CERK: variants seen among roughly 807,000 people sequenced by gnomAD.
CERK encodes acylsphingosine kinase.
A neutral mutation model predicts 63.4 loss-of-function variants in CERK; 39 were observed. The ratio of observed to expected loss-of-function variants is 0.61; its 90% CI spans 0.48 to 0.80. The LOEUF (loss-of-function observed/expected upper bound fraction) is 0.80, where lower values mean the gene tolerates loss of function less well. Ranked by LOEUF, CERK falls within the 30% of genes least tolerant of loss-of-function variation. The probability of loss-of-function intolerance (pLI) is 0.00; values close to 1 mark genes in which losing one functional copy is unlikely to be tolerated. For missense variants in CERK, 670 were observed against 714.1 expected, an observed-to-expected ratio of 0.94 and a Z score of 0.70; for synonymous variants, 302 against 280.0, an observed-to-expected ratio of 1.08 and a Z score of -0.78.
At chr22:46,698,304 A>G (rs959154379) in intron 8 of CERK, among the ~76,000 whole-genome samples, 5 of 152,240 alleles carry the variant, frequency 3.3e-5, no homozygotes, top group African/African-American at 7.2e-5. Flanking sequence ...CTCTGTGCCC[A>G]CTGCGGCCGA....
chr22:46,698,179 T>G (rs1325161770), intron 8 of CERK, among the ~76,000 whole-genome samples: 1 of 152,260 alleles, frequency 6.6e-6, no homozygotes, highest in Admixed American at 6.5e-5. Context: ...TTGTGCCTGT[T>G]TTCTCCGCTA....
rs2082696467 is a variant in CERK, at chr22:46,685,666, G to C, written c.*1468C>G. The C allele has an allele frequency of 6.6e-6, 1 of 152,226 alleles. No homozygotes were observed. Among genetic ancestry groups the C allele is most frequent in the African/African-American group, 2.4e-5 (1 of 41,452 alleles). 9.4% of individuals were successfully genotyped at this position (152,226 alleles called of 1,614,324 possible). On this transcript the variant is annotated 3_prime_UTR_variant, in exon 13 of 13. Coordinates refer to ENST00000216264, the MANE Select transcript of CERK (RefSeq NM_022766.6). ...TATTGAACCATTTGGCTTGCACAGT[G>C]CTCTCTGATAATGTGGTCCATAAAA...
At chr22:46,713,231 G>A (rs936330829) in intron 3 of CERK, among the ~76,000 whole-genome samples, 7 of 152,148 alleles carry the variant, frequency 4.6e-5, no homozygotes, top group African/African-American at 7.2e-5. Context: ...AGGGCCAGGC[G>A]CGGTGGCTCA....
At chr22:46,722,215 T>A (rs933262721) in intron 1 of CERK, among the ~76,000 whole-genome samples, 4 of 151,912 alleles carry the variant, frequency 2.6e-5, no homozygotes, top group African/African-American at 4.9e-5. Context: ...GCAAAAAAAA[T>A]TGCTATAACA....
chr22:46,696,375 C>T (rs2082756372), intron 8 of CERK, among the ~76,000 whole-genome samples: 1 of 152,158 alleles, frequency 6.6e-6, no homozygotes, highest in Non-Finnish European at 1.5e-5. Flanking sequence ...CCATGGGGGT[C>T]CCACAAGGAC....
At chr22:46,691,867 C>A in intron 10 of CERK, 90 bp from the exon 11 acceptor site, 5 of 933,400 alleles carry the variant, frequency 5.4e-6, no homozygotes, top group Non-Finnish European at 6.5e-6. Flanking sequence ...TTCGGGCTCT[C>A]ACCTGCTCAT....
At chr22:46,696,693 C>T (rs2082758165) in intron 8 of CERK, among the ~76,000 whole-genome samples, 1 of 152,262 alleles carries the variant, frequency 6.6e-6, no homozygotes, top group South Asian at 2.1e-4. Context: ...AGCCACAGAA[C>T]CCAAACCCGC....
chr22:46,732,507 A>G (rs1463413762), intron 1 of CERK, among the ~76,000 whole-genome samples: 1 of 152,198 alleles, frequency 6.6e-6, no homozygotes, highest in African/African-American at 2.4e-5. Context: ...CTCGAGTATG[A>G]AAGTTTCTTA....
intron 1 of CERK, among the ~76,000 whole-genome samples, chr22:46,733,958 C>G (rs1366521755): frequency 6.6e-6 from 1 of 151,948 alleles, no homozygotes; most frequent in African/African-American, 2.4e-5. Context: ...ATCACTTGAA[C>G]CCGGGAGGTG....
Position 46,712,210 on chromosome 22 carries a change from C to T in CERK, c.463G>A (p.Ala155Thr). The T allele has an allele frequency of 6.2e-7, 1 of 1,614,132 alleles. No homozygotes were observed. Among genetic ancestry groups the T allele is most frequent in the Non-Finnish European group, 8.5e-7 (1 of 1,179,972 alleles). Residue 155 changes from alanine (A) to threonine (T), a missense_variant, in exon 4 of 13, where the codon GCA becomes ACA. By Grantham distance (58) the Ala-to-Thr change is moderately conservative. Coordinates refer to ENST00000216264, the MANE Select transcript of CERK (RefSeq NM_022766.6). ...QGKRIYERKV[A>T]PLFTLASITT... is the part of the protein sequence containing the mutation. ...ATGGAGGCTAAGGTGAACAGTGGTGCCACTTTTCTTTCATATATCCGCTTG... is the reference window on the plus strand; with the variant it reads ...ATGGAGGCTAAGGTGAACAGTGGTGTCACTTTTCTTTCATATATCCGCTTG...
chr22:46,698,269 G>A (rs763854796), intron 8 of CERK, among the ~76,000 whole-genome samples: 5 of 152,246 alleles, frequency 3.3e-5, no homozygotes, highest in African/African-American at 7.2e-5. Flanking sequence ...GGAGTGCGGC[G>A]TGGCATTCGC....
intron 1 of CERK, among the ~76,000 whole-genome samples, chr22:46,722,531 G>A (rs1271979208): frequency 1.3e-5 from 2 of 151,784 alleles, no homozygotes; most frequent in Admixed American, 6.6e-5. Context: ...CCCACCCTCC[G>A]GTGTGCCCCA....
At chr22:46,725,129 C>T (rs889087954) in intron 1 of CERK, among the ~76,000 whole-genome samples, 1 of 152,226 alleles carries the variant, frequency 6.6e-6, no homozygotes, top group African/African-American at 2.4e-5. Flanking sequence ...TGAGAGAACT[C>T]CACAGTGAGA....
intron 1 of CERK, among the ~76,000 whole-genome samples, chr22:46,725,924 T>C (rs2082915997): frequency 6.6e-6 from 1 of 152,094 alleles, no homozygotes; most frequent in Non-Finnish European, 1.5e-5. Flanking sequence ...TTAGTGCTTG[T>C]TGTGATCCAC....
intron 1 of CERK, among the ~76,000 whole-genome samples, chr22:46,727,165 C>T (rs1056777679): frequency 4.6e-5 from 7 of 152,138 alleles, no homozygotes; most frequent in Non-Finnish European, 8.8e-5. Flanking sequence ...ACAGCAAGCC[C>T]CCAGAGTTCA....
chr22:46,724,115 C>T (rs991057566), intron 1 of CERK, among the ~76,000 whole-genome samples: 1 of 152,210 alleles, frequency 6.6e-6, no homozygotes, highest in Non-Finnish European at 1.5e-5. Context: ...CTCCTCTCCT[C>T]TTCCTCCTCA....
intron 11 of CERK, among the ~76,000 whole-genome samples, chr22:46,691,056 TACAC>T (rs141210280): frequency 1.6e-3 from 230 of 147,294 alleles, no homozygotes; most frequent in African/African-American, 4.4e-3. Flanking sequence ...TATACATACA[TACAC>T]ACACACACAC....
chr22:46,730,743 G>A (rs1244053151), intron 1 of CERK, among the ~76,000 whole-genome samples: 1 of 152,220 alleles, frequency 6.6e-6, no homozygotes, highest in East Asian at 1.9e-4. Flanking sequence ...CTGACAGGCA[G>A]AGAAAAGGCA....
intron 5 of CERK, among the ~76,000 whole-genome samples, chr22:46,710,236 C>G (rs914475132): frequency 1.3e-5 from 2 of 152,110 alleles, no homozygotes; most frequent in South Asian, 2.1e-4. Flanking sequence ...GAGTTCGAGA[C>G]CAGCCTGGCC....
Sources: allele counts gnomAD v4.1 joint callset (sites outside exome capture counted in the v4.1 genomes callset), GRCh38; gene constraint gnomAD v4.1.1; transcripts MANE v1.5; gene names NCBI Gene and HGNC (gene_info 2026-07-23, HGNC 2026-07-21).